PRKN: variants seen among roughly 807,000 people sequenced by gnomAD.
PRKN encodes E3 ubiquitin-protein ligase parkin.
In PRKN, 56 loss-of-function variants were observed where a neutral mutation model predicts 59.5. That is an observed-to-expected ratio of 0.94 (90% confidence interval 0.76 to 1.18). The LOEUF is 1.18. Among genes scored for constraint, PRKN ranks in the 50% most tolerant of loss-of-function variants. PRKN has a pLI of 0.00. For missense variants in PRKN, 657 were observed against 596.4 expected, an observed-to-expected ratio of 1.10 and a Z score of -1.06; for synonymous variants, 250 against 222.1, an observed-to-expected ratio of 1.13 and a Z score of -1.12.
chr6:161,656,266 A>G (rs1784348173), intron 7 of PRKN, among the ~76,000 whole-genome samples: 1 of 152,228 alleles, frequency 6.6e-6, no homozygotes, highest in Admixed American at 6.5e-5. Context: ...GAGTTGCTTC[A>G]GGAGCCTCCC....
In PRKN at chr6:161,417,983, GC is replaced by G. The variant is rs1424245958; in HGVS notation, c.1084-31107del. Among the ~76,000 whole-genome samples the G allele has an allele frequency of 6.6e-6, 1 of 152,130 alleles. No homozygotes were observed. Among genetic ancestry groups the G allele is most frequent in the Non-Finnish European group, 1.5e-5 (1 of 68,026 alleles). On this transcript the variant is annotated intron_variant, in intron 9 of 11. Transcript: ENST00000366898. The surrounding 1 kb of genome is among the most constrained non-coding windows in gnomAD (Gnocchi z 5.4). ...CTTCCCACGCTCCCTCCTGGGCCTG[GC>G]CCCCAGGCCTGGCTGACTCCATGGG...
At chr6:162,553,153 G>C (rs1026905772) in intron 1 of PRKN, among the ~76,000 whole-genome samples, 1 of 152,124 alleles carries the variant, frequency 6.6e-6, no homozygotes, top group African/African-American at 2.4e-5. Context: ...TTGGGGAAAT[G>C]AGAGAAGACA....
At chr6:162,599,670 A>T (rs1399913011) in intron 1 of PRKN, among the ~76,000 whole-genome samples, 2 of 152,182 alleles carry the variant, frequency 1.3e-5, no homozygotes, top group Non-Finnish European at 2.9e-5. Flanking sequence ...AGGGTACACG[A>T]CAGCACACGT....
At chr6:162,607,675 T>C (rs561577899) in intron 1 of PRKN, among the ~76,000 whole-genome samples, 3 of 152,020 alleles carry the variant, frequency 2.0e-5, no homozygotes, top group African/African-American at 7.2e-5. Flanking sequence ...AAACTAGAAG[T>C]GATGGGATAC....
At chr6:161,591,316 G>GT (rs1316249325) in intron 7 of PRKN, among the ~76,000 whole-genome samples, 4 of 152,094 alleles carry the variant, frequency 2.6e-5, no homozygotes, top group East Asian at 1.9e-4. Context: ...ATTTCCTTTG[G>GT]TAAAAAAAAG....
At chr6:162,499,157 G>GCC (rs1391107239) in intron 1 of PRKN, among the ~76,000 whole-genome samples, 1 of 151,820 alleles carries the variant, frequency 6.6e-6, no homozygotes, top group Non-Finnish European at 1.5e-5. Flanking sequence ...CTCTCATCAC[G>GCC]CCCCTACTTC....
intron 4 of PRKN, among the ~76,000 whole-genome samples, chr6:162,188,750 C>G (rs1784135943): frequency 6.6e-6 from 1 of 150,662 alleles, no homozygotes; most frequent in Admixed American, 6.6e-5. Context: ...ATTTGAAGAG[C>G]CTACAGGTGG....
intron 1 of PRKN, among the ~76,000 whole-genome samples, chr6:162,704,422 G>A (rs1778267931): frequency 1.3e-5 from 2 of 152,076 alleles, no homozygotes; most frequent in Admixed American, 1.3e-4. Flanking sequence ...TCAAATTCCT[G>A]GCTTCACTGT....
chr6:162,658,658 C>CAAAAAAAAAAAAAGA (rs1778752240), intron 1 of PRKN, among the ~76,000 whole-genome samples: 2 of 109,110 alleles, frequency 1.8e-5, no homozygotes, highest in Admixed American at 1.0e-4. Context: ...GAGACTCTGT[C>CAAAAAAAAAAAAAGA]AAAAAAAAAA....
At chr6:162,619,144 CTTTT>C (rs144005690) in intron 1 of PRKN, among the ~76,000 whole-genome samples, 176 of 132,188 alleles carry the variant, frequency 1.3e-3, no homozygotes, top group South Asian at 1.9e-3. Flanking sequence ...AGTATTTTTC[CTTTT>C]TTTTTTTTTT....
chr6:161,843,032 G>T (rs948863409), intron 6 of PRKN, among the ~76,000 whole-genome samples: 4 of 152,178 alleles, frequency 2.6e-5, no homozygotes, highest in African/African-American at 9.7e-5. Context: ...ATCCTTGGAG[G>T]AGAGAAGTCT....
At position 161,549,033 on chromosome 6, in the gene PRKN, T is replaced by C; in HGVS notation, c.934-30A>G. The C allele has an allele frequency of 1.2e-6, 2 of 1,613,984 alleles. No individual in the cohort carries two copies. Among genetic ancestry groups the C allele is most frequent in the African/African-American group, 2.7e-5 (2 of 75,026 alleles). On this transcript the variant is annotated intron_variant, in intron 8 of 11. Coordinates refer to ENST00000366898, the MANE Select transcript of PRKN (RefSeq NM_004562.3). The surrounding 1 kb of genome is among the most constrained non-coding windows in gnomAD (Gnocchi z 6.0). ...AAAACCCAAAAAGCAGATTGAGCTT[T>C]CAAACTGACTGCAAATTTCAGCCAA...
chr6:161,842,463 C>G (rs1362891292), intron 6 of PRKN, among the ~76,000 whole-genome samples: 1 of 126,004 alleles, frequency 7.9e-6, no homozygotes, highest in East Asian at 3.0e-4. Context: ...CAGAATGAGA[C>G]TCTAAAAAAA....
At chr6:162,009,372 A>G (rs1782390439) in intron 5 of PRKN, among the ~76,000 whole-genome samples, 1 of 114,528 alleles carries the variant, frequency 8.7e-6, no homozygotes, top group Non-Finnish European at 1.9e-5. Context: ...GAATTCCCAG[A>G]ACACTGTACA....
In PRKN at chr6:162,011,510, AT is replaced by A. The variant is rs1268247986; in HGVS notation, c.619-38094del. 8.6e-5 allele frequency among the ~76,000 whole-genome samples: 9 copies of A among 104,776 alleles called. 3 individuals carry two copies. Among genetic ancestry groups the A allele is most frequent in the Non-Finnish European group, 1.5e-4 (8 of 54,334 alleles). The allele number at this position is 104,776 out of a possible 152,430, so 68.7% of individuals were successfully genotyped here. ...AATATATATAATATATATTTATTAT[AT>A]ATATATTATATATATATATAAAACT... is the stretch of plus-strand genomic sequence containing the variant. On this transcript the variant is annotated intron_variant, in intron 5 of 11. Transcript: ENST00000366898.
intron 1 of PRKN, among the ~76,000 whole-genome samples, chr6:162,671,394 G>C (rs1449365673): frequency 4.0e-5 from 6 of 151,772 alleles, no homozygotes; most frequent in Admixed American, 2.6e-4. Flanking sequence ...AGCTACTCAC[G>C]AGGCTGAGGC....
At chr6:161,870,388 A>G (rs535221703) in intron 6 of PRKN, among the ~76,000 whole-genome samples, 1 of 152,286 alleles carries the variant, frequency 6.6e-6, no homozygotes, top group Admixed American at 6.5e-5. Flanking sequence ...CTTTTCATGC[A>G]CTCAGACTTG....
intron 4 of PRKN, among the ~76,000 whole-genome samples, chr6:162,196,572 A>G (rs1332466988): frequency 1.3e-5 from 2 of 152,188 alleles, no homozygotes; most frequent in African/African-American, 4.8e-5. Context: ...CTAAAGGATT[A>G]TAGTCTAGTC....
intron 9 of PRKN, among the ~76,000 whole-genome samples, chr6:161,432,964 T>C (rs982685075): frequency 1.3e-5 from 2 of 152,200 alleles, no homozygotes; most frequent in Non-Finnish European, 2.9e-5. Flanking sequence ...CTTTATGGCA[T>C]ACTTCTAAAA....
Sources: allele counts gnomAD v4.1 joint callset (sites outside exome capture counted in the v4.1 genomes callset), GRCh38; gene constraint gnomAD v4.1.1; non-coding constraint Gnocchi (gnomAD v3.1); transcripts MANE v1.5; gene names NCBI Gene and HGNC (gene_info 2026-07-23, HGNC 2026-07-21).